DENND1A: variants seen among roughly 807,000 people sequenced by gnomAD.
DENND1A encodes the protein DENN domain containing 1A.
A neutral mutation model predicts 113.7 loss-of-function variants in DENND1A; 51 were observed. The ratio of observed to expected loss-of-function variants is 0.45; its 90% CI spans 0.36 to 0.57. DENND1A has a LOEUF of 0.57. DENND1A is among the 20% of genes least tolerant of loss of function. The pLI, the probability that DENND1A is intolerant of heterozygous loss-of-function variation, is 0.00. For synonymous variants in DENND1A, 565 were observed against 570.8 expected, an observed-to-expected ratio of 0.99 and a Z score of 0.14; for missense variants, 1,258 against 1,395.9, an observed-to-expected ratio of 0.90 and a Z score of 1.57.
chr9:123,762,045 A>C (rs1026581862), intron 4 of DENND1A, among the ~76,000 whole-genome samples: 1 of 152,166 alleles, frequency 6.6e-6, no homozygotes, highest in African/African-American at 2.4e-5. Context: ...TTTGTTTTCC[A>C]AGGTTATCAG....
chr9:123,599,281 A>G (rs1373096825), intron 11 of DENND1A, among the ~76,000 whole-genome samples: 4 of 152,220 alleles, frequency 2.6e-5, no homozygotes, highest in African/African-American at 4.8e-5. Context: ...ATGTAAAGAG[A>G]GATCTATAGA....
At chr9:123,802,894 G>A (rs1381877471) in intron 2 of DENND1A, among the ~76,000 whole-genome samples, 1 of 152,042 alleles carries the variant, frequency 6.6e-6, no homozygotes, top group African/African-American at 2.4e-5. Flanking sequence ...TAGAGTCGGG[G>A]TTTCTCTGTG....
intron 5 of DENND1A, among the ~76,000 whole-genome samples, chr9:123,722,541 C>T (rs1204986954): frequency 6.6e-6 from 1 of 152,200 alleles, no homozygotes; most frequent in African/African-American, 2.4e-5. Context: ...AAAATGGTTT[C>T]ATGGGCTGAG....
At chr9:123,848,302 C>A (rs2768818) in intron 2 of DENND1A, among the ~76,000 whole-genome samples, 136,407 of 149,158 alleles carry the variant, frequency 0.91, 62,753 homozygotes, top group East Asian at 0.98. Context: ...AAGTCATTTC[C>A]TGTCTCTGTG....
chr9:123,413,300 A>C, intron 19 of DENND1A: 1 of 539,500 alleles, frequency 1.9e-6, no homozygotes, highest in Non-Finnish European at 2.4e-6. Context: ...ATGTTGAAAT[A>C]ATATTTTGGA....
Position 123,929,981 on chromosome 9 carries a change from T to A in DENND1A, c.-76A>T. The A allele has an allele frequency of 4.0e-6, 1 of 252,706 alleles. No individual in the cohort carries two copies. The highest frequency in any genetic ancestry group is 7.4e-5 in the East Asian group (1 of 13,532). The allele number at this position is 252,706 out of a possible 1,614,324, so 15.7% of individuals were successfully genotyped here. A position where few individuals can be genotyped will look rare whatever the true frequency, so the allele number is the denominator to read the frequency against. Reference sequence around the variant, plus strand: ...CCCGCCCGCCCGCGGCCGACCGGCCTCCCTCTGGCGCTCTCCCCGCCCCTT... The same window carrying A: ...CCCGCCCGCCCGCGGCCGACCGGCCACCCTCTGGCGCTCTCCCCGCCCCTT... On this transcript the variant is annotated 5_prime_UTR_variant, in exon 1 of 24. Transcript: ENST00000394215.
chr9:123,840,670 C>T (rs916242150), intron 2 of DENND1A, among the ~76,000 whole-genome samples: 1 of 152,110 alleles, frequency 6.6e-6, no homozygotes, highest in Non-Finnish European at 1.5e-5. Context: ...CAAAGAGTCG[C>T]CATTATTATT....
chr9:123,842,846 A>C (rs116159996), intron 2 of DENND1A, among the ~76,000 whole-genome samples: 2 of 152,196 alleles, frequency 1.3e-5, no homozygotes, highest in South Asian at 2.1e-4. Flanking sequence ...TCAATATATT[A>C]ATACTAGCAA....
chr9:123,548,539 G>A (rs913827432), intron 13 of DENND1A, among the ~76,000 whole-genome samples: 1 of 152,184 alleles, frequency 6.6e-6, no homozygotes, highest in Non-Finnish European at 1.5e-5. Context: ...AGAATTACCA[G>A]ATGACCCACA....
chr9:123,774,185 T>C (rs1174113201), intron 3 of DENND1A, among the ~76,000 whole-genome samples: 15 of 152,110 alleles, frequency 9.9e-5, no homozygotes, highest in Non-Finnish European at 2.2e-4. Context: ...ATGCTGACCC[T>C]CTAAGTCCTG....
At chr9:123,432,586 C>T (rs1251214098) in intron 19 of DENND1A, among the ~76,000 whole-genome samples, 1 of 152,146 alleles carries the variant, frequency 6.6e-6, no homozygotes, top group South Asian at 2.1e-4. Context: ...CACACAAAGA[C>T]ATGGATGAGA....
At chr9:123,589,649 A>G (rs2059363200) in intron 11 of DENND1A, among the ~76,000 whole-genome samples, 1 of 111,142 alleles carries the variant, frequency 9.0e-6, no homozygotes, top group Non-Finnish European at 1.8e-5. Context: ...CTCAGAATGA[A>G]AAAAAAAAAA....
At chr9:123,532,007 G>A (rs57998416) in intron 13 of DENND1A, among the ~76,000 whole-genome samples, 4,978 of 152,238 alleles carry the variant, frequency 0.033, 294 homozygotes, top group African/African-American at 0.11. Flanking sequence ...GCAAATACCT[G>A]AAGGGTGTGC....
chr9:123,536,756 C>CGAGA (rs139570932), intron 13 of DENND1A, among the ~76,000 whole-genome samples: 1 of 151,258 alleles, frequency 6.6e-6, no homozygotes. Flanking sequence ...AGGACAGATA[C>CGAGA]GAGAGAGAGA....
At chr9:123,829,055 A>T (rs1246719131) in intron 2 of DENND1A, among the ~76,000 whole-genome samples, 1 of 152,228 alleles carries the variant, frequency 6.6e-6, no homozygotes, top group Non-Finnish European at 1.5e-5. Context: ...TAAGCATCAC[A>T]GGAAAACTTT....
At chr9:123,417,499 A>T (rs1401224636) in intron 19 of DENND1A, among the ~76,000 whole-genome samples, 2 of 152,250 alleles carry the variant, frequency 1.3e-5, no homozygotes, top group Non-Finnish European at 2.9e-5. Flanking sequence ...AGGGACTAGT[A>T]TGAGGTCACA....
chr9:123,675,293 C>T (rs977035495), intron 6 of DENND1A, among the ~76,000 whole-genome samples: 17 of 152,156 alleles, frequency 1.1e-4, no homozygotes, highest in African/African-American at 3.6e-4. Context: ...ACTGCTATCT[C>T]AGAATGCTAA....
chr9:123,602,265 T>C (rs1474116263), intron 11 of DENND1A, among the ~76,000 whole-genome samples: 1 of 152,260 alleles, frequency 6.6e-6, no homozygotes, highest in Non-Finnish European at 1.5e-5. Context: ...AAATGTTAAA[T>C]AGTTGTGATA....
chr9:123,472,835 G>T (rs142488705), intron 13 of DENND1A, among the ~76,000 whole-genome samples: 1 of 152,258 alleles, frequency 6.6e-6, no homozygotes, highest in Non-Finnish European at 1.5e-5. Flanking sequence ...AGGTAGGTCT[G>T]TAAGTCTCCT....
Sources: gnomAD v4.1 joint callset for allele counts (sites outside exome capture counted in the v4.1 genomes callset) on GRCh38, gnomAD v4.1.1 for gene constraint, MANE v1.5 for transcripts, NCBI Gene and HGNC (gene_info 2026-07-23, HGNC 2026-07-21) for gene names.